SUPT3H: variants seen among roughly 807,000 people sequenced by gnomAD.
SUPT3H encodes SPT3 homolog, SAGA and STAGA complex component.
In SUPT3H, 44 loss-of-function variants were observed where a neutral mutation model predicts 44.3. The observed-to-expected ratio is 0.99, with a 90% CI of 0.78 to 1.28. The LOEUF is 1.28. Among genes scored for constraint, SUPT3H ranks in the 50% most tolerant of loss-of-function variants. The pLI is 0.00. For synonymous variants in SUPT3H, 124 were observed against 125.6 expected, an observed-to-expected ratio of 0.99 and a Z score of 0.09; for missense variants, 380 against 387.1, an observed-to-expected ratio of 0.98 and a Z score of 0.15.
intron 10 of SUPT3H, among the ~76,000 whole-genome samples, chr6:44,848,877 C>G (rs1261608801): frequency 1.3e-5 from 2 of 152,340 alleles, no homozygotes; most frequent in East Asian, 3.9e-4. Context: ...ACCTACTACA[C>G]TTCCTACTAC....
chr6:44,855,855 T>C (rs1181881579), intron 10 of SUPT3H, among the ~76,000 whole-genome samples: 1 of 152,134 alleles, frequency 6.6e-6, no homozygotes, highest in Admixed American at 6.6e-5. Context: ...TCTGCCATTA[T>C]GCCTCCTCAA....
intron 11 of SUPT3H, among the ~76,000 whole-genome samples, chr6:44,817,772 A>C (rs1285431412): frequency 6.6e-6 from 1 of 152,166 alleles, no homozygotes; most frequent in African/African-American, 2.4e-5. Flanking sequence ...CACGAACCTA[A>C]TAAAATATGT....
intron 10 of SUPT3H, among the ~76,000 whole-genome samples, chr6:44,927,915 T>C (rs1769787214): frequency 6.6e-6 from 1 of 152,202 alleles, no homozygotes; most frequent in African/African-American, 2.4e-5. Flanking sequence ...AGTGGAATGG[T>C]TTCCGCTTAC....
At chr6:45,327,118 C>G (rs1237936936) in intron 2 of SUPT3H, among the ~76,000 whole-genome samples, 1 of 151,816 alleles carries the variant, frequency 6.6e-6, no homozygotes, top group Non-Finnish European at 1.5e-5. Context: ...ACATACTTGT[C>G]CAAAGGGGCA....
At chr6:44,919,295 G>GA (rs368195071) in intron 10 of SUPT3H, among the ~76,000 whole-genome samples, 3 of 150,242 alleles carry the variant, frequency 2.0e-5, no homozygotes, top group South Asian at 2.1e-4. Context: ...TTTAATGAAG[G>GA]AAAAAAAAAG....
rs76560254 is a variant in SUPT3H, at chr6:45,029,028, T to C, written c.187-8396A>G. ...AAGTATTTGAAAGGAAATGTATTTG[T>C]AACTAAAGTTAACATTCAGAATACT... On this transcript the variant is annotated intron_variant, in intron 3 of 10. Coordinates refer to ENST00000371459, the MANE Select transcript of SUPT3H (RefSeq NM_003599.4). 6.3e-3 allele frequency among the ~76,000 whole-genome samples: 965 copies of C among 152,062 alleles called. 18 individuals carry two copies. The highest frequency in any genetic ancestry group is 0.022 in the African/African-American group (911 of 41,528).
At chr6:45,073,095 A>G (rs1474323497) in intron 3 of SUPT3H, among the ~76,000 whole-genome samples, 4 of 152,062 alleles carry the variant, frequency 2.6e-5, no homozygotes, top group Non-Finnish European at 5.9e-5. Flanking sequence ...ATCTATACTC[A>G]CAGACAAGAT....
intron 2 of SUPT3H, among the ~76,000 whole-genome samples, chr6:45,320,029 T>C (rs1785239249): frequency 6.6e-6 from 1 of 152,112 alleles, no homozygotes; most frequent in South Asian, 2.1e-4. Context: ...AAAAGGACTT[T>C]AGGGTGACAC....
At chr6:45,005,106 T>C (rs577149870) in intron 5 of SUPT3H, among the ~76,000 whole-genome samples, 5 of 152,272 alleles carry the variant, frequency 3.3e-5, no homozygotes, top group Admixed American at 1.3e-4. Context: ...AGTTAAGAGA[T>C]TGTTTACCAG....
At chr6:44,837,142 A>G (rs1428588567) in intron 10 of SUPT3H, among the ~76,000 whole-genome samples, 3 of 152,180 alleles carry the variant, frequency 2.0e-5, no homozygotes, top group African/African-American at 7.2e-5. Flanking sequence ...TACTGATACA[A>G]GATAAAAACA....
intron 2 of SUPT3H, among the ~76,000 whole-genome samples, chr6:45,203,304 C>T (rs1257431134): frequency 2.6e-5 from 4 of 152,130 alleles, no homozygotes; most frequent in Non-Finnish European, 5.9e-5. Flanking sequence ...AGGTCAAAAT[C>T]TAAGCTGTCA....
intron 2 of SUPT3H, among the ~76,000 whole-genome samples, chr6:45,142,996 A>C (rs941756774): frequency 6.6e-6 from 1 of 152,094 alleles, no homozygotes; most frequent in Non-Finnish European, 1.5e-5. Flanking sequence ...GAGTAAGTCC[A>C]ACAAGAAAAT....
intron 9 of SUPT3H, among the ~76,000 whole-genome samples, chr6:44,940,263 C>CA (rs141903040): frequency 2.0e-5 from 3 of 151,936 alleles, no homozygotes; most frequent in Admixed American, 2.0e-4. Context: ...TCATTTGTTT[C>CA]AAAAAATCTT....
chr6:45,114,958 A>G (rs1800622906), intron 2 of SUPT3H, among the ~76,000 whole-genome samples: 1 of 152,204 alleles, frequency 6.6e-6, no homozygotes, highest in African/African-American at 2.4e-5. Flanking sequence ...AACTCATTGT[A>G]CAACAACACG....
intron 2 of SUPT3H, among the ~76,000 whole-genome samples, chr6:45,175,622 G>A (rs576337292): frequency 5.3e-5 from 8 of 152,228 alleles, no homozygotes; most frequent in African/African-American, 4.8e-5. Context: ...CAGTACTCAT[G>A]AGTTTATTAA....
intron 8 of SUPT3H, among the ~76,000 whole-genome samples, chr6:44,953,781 G>C (rs1030237333): frequency 2.8e-4 from 42 of 151,958 alleles, no homozygotes; most frequent in African/African-American, 1.0e-3. Flanking sequence ...GCCCAGGCTG[G>C]AGTGCAATGG....
intron 6 of SUPT3H, among the ~76,000 whole-genome samples, chr6:45,001,620 A>T (rs565133228): frequency 3.9e-5 from 6 of 152,084 alleles, no homozygotes; most frequent in African/African-American, 1.4e-4. Context: ...GTGAGTTTTT[A>T]TATCTATAAA....
chr6:45,175,797 A>G (rs1811680725), intron 2 of SUPT3H, among the ~76,000 whole-genome samples: 2 of 152,202 alleles, frequency 1.3e-5, no homozygotes, highest in Non-Finnish European at 2.9e-5. Context: ...AAATTATACT[A>G]AAAATAAGCT....
intron 2 of SUPT3H, among the ~76,000 whole-genome samples, chr6:45,190,298 G>A (rs1032723748): frequency 6.6e-6 from 1 of 152,096 alleles, no homozygotes; most frequent in Non-Finnish European, 1.5e-5. Context: ...TACAGTTTGA[G>A]AAATAGTATT....
Sources: allele counts gnomAD v4.1 joint callset (sites outside exome capture counted in the v4.1 genomes callset), GRCh38; gene constraint gnomAD v4.1.1; transcripts MANE v1.5; gene names NCBI Gene and HGNC (gene_info 2026-07-23, HGNC 2026-07-21).